CDH12: variants seen among roughly 807,000 people sequenced by gnomAD.
CDH12 encodes the protein cadherin 12.
CDH12 carries 41 observed loss-of-function variants against 74.1 expected under a neutral mutation model. The observed-to-expected ratio is 0.55, with a 90% CI of 0.43 to 0.72. The LOEUF is 0.72. CDH12 is among the 30% of genes least tolerant of loss of function. The probability of loss-of-function intolerance (pLI) is 0.00; values close to 1 mark genes in which losing one functional copy is unlikely to be tolerated. For synonymous variants in CDH12, 399 were observed against 355.0 expected (o/e 1.12, Z -1.39); for missense variants, 945 against 977.2 (o/e 0.97, Z 0.44).
At chr5:22,581,804 T>G (rs953914126) in intron 1 of CDH12, among the ~76,000 whole-genome samples, 25 of 152,142 alleles carry the variant, frequency 1.6e-4, no homozygotes, top group African/African-American at 5.8e-4. Flanking sequence ...GCCTCATAGC[T>G]CTTAAGTTTC....
intron 1 of CDH12, among the ~76,000 whole-genome samples, chr5:22,677,428 G>A (rs946401847): frequency 4.6e-5 from 7 of 152,040 alleles, no homozygotes; most frequent in African/African-American, 9.7e-5. Context: ...GCGCTTTCCA[G>A]TTGTCCTTAA....
At chr5:22,017,242 A>G (rs979712653) in intron 5 of CDH12, among the ~76,000 whole-genome samples, 1 of 152,108 alleles carries the variant, frequency 6.6e-6, no homozygotes, top group Non-Finnish European at 1.5e-5. Context: ...TTACAAAAAC[A>G]GCTCAAAAAG....
intron 4 of CDH12, among the ~76,000 whole-genome samples, chr5:22,134,859 C>G (rs942833765): frequency 1.3e-5 from 2 of 151,064 alleles, no homozygotes; most frequent in African/African-American, 4.9e-5. Flanking sequence ...ATTACAGCAA[C>G]AGCAAGTTGG....
At chr5:22,393,417 T>C (rs757580677) in intron 3 of CDH12, among the ~76,000 whole-genome samples, 5 of 152,216 alleles carry the variant, frequency 3.3e-5, no homozygotes, top group Non-Finnish European at 7.4e-5. Context: ...TCTAACATTG[T>C]GAGAGAATAT....
chr5:22,348,564 C>A (rs942218140), intron 3 of CDH12, among the ~76,000 whole-genome samples: 5 of 152,138 alleles, frequency 3.3e-5, no homozygotes, highest in Non-Finnish European at 5.9e-5. Flanking sequence ...TACATGGACA[C>A]ACACATATAT....
chr5:21,890,904 G>A (rs1387122538), intron 6 of CDH12, among the ~76,000 whole-genome samples: 5 of 152,104 alleles, frequency 3.3e-5, no homozygotes, highest in Non-Finnish European at 7.4e-5. Context: ...AAACAAGGAA[G>A]CAAGCTGAAA....
intron 3 of CDH12, among the ~76,000 whole-genome samples, chr5:22,232,764 C>G (rs10472480): frequency 0.013 from 1,936 of 150,874 alleles, 52 homozygotes; most frequent in African/African-American, 0.045. Flanking sequence ...TGAAATTTAA[C>G]TTTCAAAACT....
At chr5:22,408,706 G>A (rs897236418) in intron 2 of CDH12, among the ~76,000 whole-genome samples, 2 of 151,346 alleles carry the variant, frequency 1.3e-5, no homozygotes, top group Non-Finnish European at 2.9e-5. Context: ...ATGTATTGCT[G>A]CCCACATCAC....
At chr5:22,024,357 T>C (rs1368058021) in intron 5 of CDH12, among the ~76,000 whole-genome samples, 1 of 152,108 alleles carries the variant, frequency 6.6e-6, no homozygotes, top group Non-Finnish European at 1.5e-5. Flanking sequence ...GACAATACTC[T>C]TCAACTTAAG....
intron 3 of CDH12, among the ~76,000 whole-genome samples, chr5:22,228,266 A>C (rs997863886): frequency 1.3e-5 from 2 of 152,110 alleles, no homozygotes; most frequent in African/African-American, 4.8e-5. Context: ...AGATGCAAAT[A>C]CAAAATATTT....
chr5:22,735,112 A>G (rs1378081021), intron 1 of CDH12, among the ~76,000 whole-genome samples: 1 of 151,878 alleles, frequency 6.6e-6, no homozygotes. Flanking sequence ...GAAATATGTG[A>G]TCTCTTCTGA....
chr5:21,755,949 G>T (rs775544788), intron 13 of CDH12, 107 bp from the exon 14 acceptor site: 10 of 1,032,416 alleles, frequency 9.7e-6, no homozygotes, highest in South Asian at 1.7e-5. Flanking sequence ...TCAGGAAAAT[G>T]GATTCTTATT....
intron 5 of CDH12, among the ~76,000 whole-genome samples, chr5:22,007,820 A>C (rs1398078014): frequency 6.6e-6 from 1 of 152,170 alleles, no homozygotes; most frequent in Non-Finnish European, 1.5e-5. Flanking sequence ...TTGGCTGATG[A>C]TTTCAATGCC....
intron 3 of CDH12, among the ~76,000 whole-genome samples, chr5:22,344,022 G>C (rs945678081): frequency 6.6e-6 from 1 of 152,118 alleles, no homozygotes. Context: ...GCAACTATAA[G>C]AAATCACCTA....
chr5:21,832,492 T>C (rs1749079880), intron 8 of CDH12, among the ~76,000 whole-genome samples: 1 of 151,816 alleles, frequency 6.6e-6, no homozygotes, highest in South Asian at 2.1e-4. Flanking sequence ...AATGTTAGCC[T>C]CAAAGCACAT....
chr5:21,987,461 G>A (rs1405251035), intron 5 of CDH12, among the ~76,000 whole-genome samples: 1 of 152,124 alleles, frequency 6.6e-6, no homozygotes, highest in Non-Finnish European at 1.5e-5. Flanking sequence ...TCTTTCTCAA[G>A]AGAGAACAAG....
intron 3 of CDH12, among the ~76,000 whole-genome samples, chr5:22,356,465 C>A (rs1740566664): frequency 6.6e-6 from 1 of 152,086 alleles, no homozygotes; most frequent in African/African-American, 2.4e-5. Context: ...GATTTAAATA[C>A]AATATGCTTA....
chr5:22,823,150 G>T (rs969689205), intron 1 of CDH12, among the ~76,000 whole-genome samples: 1 of 149,354 alleles, frequency 6.7e-6, no homozygotes, highest in Middle Eastern at 3.4e-3. Flanking sequence ...ACCAAACACC[G>T]CATGTTCTCA....
At chr5:22,414,690 A>G (rs1490109645) in intron 2 of CDH12, among the ~76,000 whole-genome samples, 1 of 151,890 alleles carries the variant, frequency 6.6e-6, no homozygotes, top group Non-Finnish European at 1.5e-5. Context: ...GATTCAGTAA[A>G]TGAAAAGCAC....
Sources: allele counts gnomAD v4.1 joint callset (sites outside exome capture counted in the v4.1 genomes callset), GRCh38; gene constraint gnomAD v4.1.1; transcripts MANE v1.5; gene names NCBI Gene and HGNC (gene_info 2026-07-23, HGNC 2026-07-21).